Variants in PLPPR1 observed in about 807,000 individuals in gnomAD.
PLPPR1 encodes phospholipid phosphatase related 1.
In PLPPR1, 10 loss-of-function variants were observed where a neutral mutation model predicts 33.1. That is an observed-to-expected ratio of 0.30 (90% CI 0.19 to 0.51). PLPPR1 has a LOEUF of 0.51. Ranked by LOEUF, PLPPR1 falls within the 20% of genes least tolerant of loss-of-function variation. The probability of loss-of-function intolerance (pLI) is 0.97; values close to 1 mark genes in which losing one functional copy is unlikely to be tolerated. For missense variants in PLPPR1, 304 were observed against 408.1 expected (o/e 0.74, Z 2.20); for synonymous variants, 151 against 151.0 (o/e 1.00, Z 0.00).
intron 1 of PLPPR1, among the ~76,000 whole-genome samples, chr9:101,035,806 T>C (rs1202845849): frequency 6.6e-6 from 1 of 152,164 alleles, no homozygotes; most frequent in Non-Finnish European, 1.5e-5. Context: ...AGTTCAAAGA[T>C]TCGTTAGAAG....
At chr9:101,167,054 A>G (rs1298162248) in intron 1 of PLPPR1, among the ~76,000 whole-genome samples, 1 of 148,196 alleles carries the variant, frequency 6.7e-6, no homozygotes, top group Non-Finnish European at 1.5e-5. Flanking sequence ...TTGAAAAAAA[A>G]AAAAAAAACA....
At chr9:101,034,242 A>G (rs1218890500) in intron 1 of PLPPR1, among the ~76,000 whole-genome samples, 3 of 152,098 alleles carry the variant, frequency 2.0e-5, no homozygotes, top group South Asian at 2.1e-4. Flanking sequence ...GGAGAGAGAG[A>G]GGAGAAAGGA....
chr9:101,227,191 C>T lies in PLPPR1; in HGVS notation c.63+41634C>T, dbSNP rs560003926. 3.3e-5 allele frequency among the ~76,000 whole-genome samples: 5 copies of T among 152,320 alleles called. No individual in the cohort carries two copies. In the East Asian group the frequency reaches 7.7e-4, roughly 24 times the overall value. ...GATCCCGTAGGGGAGCCCCAATAATCACGACTGGGAATACATTTCCTGTGG... is the reference window on the plus strand; with the variant it reads ...GATCCCGTAGGGGAGCCCCAATAATTACGACTGGGAATACATTTCCTGTGG... On this transcript the variant is annotated intron_variant, in intron 2 of 7. Transcript: ENST00000374874.
intron 1 of PLPPR1, among the ~76,000 whole-genome samples, chr9:101,171,103 T>C (rs1209206524): frequency 6.6e-6 from 1 of 152,082 alleles, no homozygotes; most frequent in Non-Finnish European, 1.5e-5. Flanking sequence ...CAGAACTTAA[T>C]TGTGAACCAG....
rs1318282929 is a variant in PLPPR1 at position 101,185,564 on chromosome 9, G to A, written c.63+7G>A. The A allele has an allele frequency of 1.9e-6, 3 of 1,589,062 alleles. No homozygotes were observed. The African/African-American group carries it at 4.1e-5, about 21-fold the overall frequency. On this transcript the variant is annotated splice_region_variant and intron_variant, in intron 2 of 7. Coordinates refer to ENST00000374874, the MANE Select transcript of PLPPR1 (RefSeq NM_207299.2). ...GTGTTTTATATTTGTTGAGGTATGT[G>A]TATTTTTTAACCTTTATGGACAAAT...
chr9:101,307,370 T>G lies in PLPPR1; in HGVS notation c.386-1841T>G, dbSNP rs1828876345. Among the ~76,000 whole-genome samples, 3 of 152,334 alleles carry G rather than the reference T, an allele frequency of 2.0e-5. No homozygotes were observed. In the South Asian group the frequency reaches 6.2e-4, roughly 32 times the overall value. ...TCCTTTTTCAGATCGTAAATCACCC[T>G]AGTTTCCTGGAAAAGTTATGTCTGG... On this transcript the variant is annotated intron_variant, in intron 4 of 7. Transcript: ENST00000374874.
chr9:101,062,505 T>A (rs898465469), intron 1 of PLPPR1, among the ~76,000 whole-genome samples: 4 of 151,926 alleles, frequency 2.6e-5, no homozygotes, highest in Admixed American at 6.6e-5. Context: ...AGCAAAAAAA[T>A]TATTTTAATG....
At chr9:101,146,998 G>C (rs1831528806) in intron 1 of PLPPR1, among the ~76,000 whole-genome samples, 1 of 152,186 alleles carries the variant, frequency 6.6e-6, no homozygotes, top group Non-Finnish European at 1.5e-5. Flanking sequence ...ATGTCGCTAT[G>C]ACATTTTTAA....
intron 1 of PLPPR1, among the ~76,000 whole-genome samples, chr9:101,116,686 C>G (rs1171029572): frequency 1.3e-5 from 2 of 151,814 alleles, no homozygotes; most frequent in Non-Finnish European, 2.9e-5. Context: ...TGGTGCGTGC[C>G]TCTAGTCCCA....
intron 2 of PLPPR1, among the ~76,000 whole-genome samples, chr9:101,195,077 C>T (rs1374648615): frequency 1.3e-5 from 2 of 152,192 alleles, no homozygotes; most frequent in Non-Finnish European, 2.9e-5. Flanking sequence ...ATCACAATCA[C>T]TCAGGGACCC....
At chr9:101,135,969 G>A (rs773029880) in intron 1 of PLPPR1, among the ~76,000 whole-genome samples, 7 of 152,196 alleles carry the variant, frequency 4.6e-5, no homozygotes, top group South Asian at 2.1e-4. Context: ...GTCAGAAACC[G>A]TAGGCAAAAT....
intron 1 of PLPPR1, among the ~76,000 whole-genome samples, chr9:101,039,789 G>A (rs1264184523): frequency 6.6e-6 from 1 of 151,976 alleles, no homozygotes; most frequent in Admixed American, 6.6e-5. Flanking sequence ...ACTATCGTGA[G>A]AACAGCACAG....
rs141444845 is a variant in PLPPR1 at position 101,245,479 on chromosome 9, T to C, written c.64-24401T>C. On this transcript the variant is annotated intron_variant, in intron 2 of 7. Coordinates refer to ENST00000374874, the MANE Select transcript of PLPPR1 (RefSeq NM_207299.2). Reference sequence around the variant, plus strand: ...AGGTTAGGGTTGCAACAAGATACAGTAGGCTAAGATTAGAGCTGTATATAT... The same window carrying C: ...AGGTTAGGGTTGCAACAAGATACAGCAGGCTAAGATTAGAGCTGTATATAT... 1.6e-3 allele frequency among the ~76,000 whole-genome samples: 240 copies of C among 152,102 alleles called. 2 individuals are homozygous for C. The highest frequency in any genetic ancestry group is 5.2e-3 in the African/African-American group (217 of 41,544).
intron 2 of PLPPR1, among the ~76,000 whole-genome samples, chr9:101,221,279 T>G (rs1826931550): frequency 6.6e-6 from 1 of 152,172 alleles, no homozygotes; most frequent in African/African-American, 2.4e-5. Context: ...AAATCCATTG[T>G]ATCATTCTTA....
chr9:101,101,496 G>C (rs1388850505), intron 1 of PLPPR1, among the ~76,000 whole-genome samples: 2 of 150,054 alleles, frequency 1.3e-5, no homozygotes, highest in African/African-American at 4.9e-5. Flanking sequence ...TTGAAGACCT[G>C]AGGATAATCT....
intron 2 of PLPPR1, among the ~76,000 whole-genome samples, chr9:101,266,065 T>C (rs1354632334): frequency 6.6e-6 from 1 of 152,044 alleles, no homozygotes; most frequent in Non-Finnish European, 1.5e-5. Flanking sequence ...GTTGTTCTAT[T>C]TCTGCTTCTG....
At chr9:101,138,620 G>T (rs778136904) in intron 1 of PLPPR1, among the ~76,000 whole-genome samples, 3 of 152,148 alleles carry the variant, frequency 2.0e-5, no homozygotes, top group Non-Finnish European at 4.4e-5. Flanking sequence ...TTGAACCCCA[G>T]CCCTGGCTCT....
intron 6 of PLPPR1, among the ~76,000 whole-genome samples, chr9:101,314,395 G>A (rs1015567484): frequency 6.6e-6 from 1 of 152,092 alleles, no homozygotes; most frequent in Non-Finnish European, 1.5e-5. Flanking sequence ...TACAGACAAT[G>A]CTCACATTCA....
intron 1 of PLPPR1, among the ~76,000 whole-genome samples, chr9:101,145,154 A>T (rs1831504837): frequency 6.6e-6 from 1 of 152,172 alleles, no homozygotes; most frequent in Non-Finnish European, 1.5e-5. Flanking sequence ...TAGTCAAAGG[A>T]TACCAAATTT....
Sources: allele counts gnomAD v4.1 joint callset (sites outside exome capture counted in the v4.1 genomes callset), GRCh38; gene constraint gnomAD v4.1.1; transcripts MANE v1.5; gene names NCBI Gene and HGNC (gene_info 2026-07-23, HGNC 2026-07-21).